Variants in SOX5 observed in about 807,000 individuals in gnomAD.
The protein encoded by SOX5 is transcription factor SOX-5.
SOX5 carries 9 observed loss-of-function variants against 92.0 expected under a neutral mutation model. The observed-to-expected ratio is 0.10, with a 90% CI of 0.06 to 0.17. SOX5 has a LOEUF of 0.17. Among genes scored for constraint, SOX5 ranks in the 10% least tolerant of loss-of-function variants. The pLI is 1.00. For missense variants in SOX5, 642 were observed against 944.5 expected (o/e 0.68, Z 4.20); for synonymous variants, 344 against 336.3 (o/e 1.02, Z -0.25).
intron 1 of SOX5, among the ~76,000 whole-genome samples, chr12:24,429,971 AAGGT>A (rs1159907563): frequency 1.3e-5 from 2 of 152,220 alleles, no homozygotes; most frequent in Non-Finnish European, 2.9e-5. Flanking sequence ...TGAATTTTTA[AAGGT>A]AGAATTAAGT....
chr12:24,228,675 T>C (rs1469412918), intron 3 of SOX5, among the ~76,000 whole-genome samples: 1 of 152,154 alleles, frequency 6.6e-6, no homozygotes, highest in Non-Finnish European at 1.5e-5. Context: ...TGTGTGCGTG[T>C]GTGTGTCTGT....
Position 24,272,493 on chromosome 12 carries a change from T to C in SOX5, c.-77+4723A>G, listed in dbSNP as rs1304818471. Among the ~76,000 whole-genome samples, 4 of 152,194 alleles carry C rather than the reference T, an allele frequency of 2.6e-5. No individual in the cohort carries two copies. In the East Asian group the frequency reaches 7.7e-4, roughly 29 times the overall value. Reference sequence around the variant, plus strand: ...CCTTTAACATTTTACTATTACGATTTATCTTTGCTGTATGTATTTTATATC... The same window carrying C: ...CCTTTAACATTTTACTATTACGATTCATCTTTGCTGTATGTATTTTATATC... On this transcript the variant is annotated intron_variant, in intron 3 of 4. Transcript: ENST00000446891.
At chr12:24,428,719 T>G (rs1306129278) in intron 1 of SOX5, among the ~76,000 whole-genome samples, 1 of 51,058 alleles carries the variant, frequency 2.0e-5, no homozygotes, top group Non-Finnish European at 3.9e-5. Flanking sequence ...AGTGAGACTC[T>G]GTTTCTCAAA....
At chr12:24,035,122 G>A (rs889265142) in intron 4 of SOX5, among the ~76,000 whole-genome samples, 11 of 152,042 alleles carry the variant, frequency 7.2e-5, no homozygotes, top group African/African-American at 2.2e-4. Context: ...GACAATATAC[G>A]ATGGCAGTGA....
At chr12:23,673,256 A>G (rs567708562) in intron 6 of SOX5, among the ~76,000 whole-genome samples, 39 of 152,266 alleles carry the variant, frequency 2.6e-4, no homozygotes, top group African/African-American at 8.4e-4. Flanking sequence ...ATATATAGCT[A>G]TTTCTTAAAG....
Position 24,353,105 on chromosome 12 carries a change from G to T in SOX5, c.-174+15458C>A, listed in dbSNP as rs1954314513. On this transcript the variant is annotated intron_variant, in intron 2 of 4. Coordinates refer to the SOX5 transcript ENST00000446891. ...TGTATGGAGAATATGATATACTTAAGGTGCAGACAGTAATAAATACCCTGC... is the reference window on the plus strand; with the variant it reads ...TGTATGGAGAATATGATATACTTAATGTGCAGACAGTAATAAATACCCTGC... Among the ~76,000 whole-genome samples the T allele has an allele frequency of 2.0e-5, 3 of 152,142 alleles. No individual in the cohort carries two copies. In the South Asian group the frequency reaches 6.2e-4, roughly 32 times the overall value.
At chr12:24,076,201 C>G (rs1373477587) in intron 4 of SOX5, among the ~76,000 whole-genome samples, 1 of 152,026 alleles carries the variant, frequency 6.6e-6, no homozygotes, top group African/African-American at 2.4e-5. Context: ...GTTTGATATC[C>G]CTTTAATTAA....
exon 2 of SOX5, chr12:24,368,575 C>T (rs1389428700): frequency 6.6e-6 from 1 of 152,198 alleles, no homozygotes; most frequent in Non-Finnish European, 1.5e-5. Flanking sequence ...CAGTAGGTCG[C>T]TAACTCCTTG....
At chr12:24,420,903 T>C (rs1050889164) in intron 1 of SOX5, among the ~76,000 whole-genome samples, 1 of 152,150 alleles carries the variant, frequency 6.6e-6, no homozygotes, top group Admixed American at 6.5e-5. Context: ...CAGAGGAACA[T>C]GCTAAACCAC....
chr12:23,710,143 C>G (rs1399910068), intron 6 of SOX5, among the ~76,000 whole-genome samples: 1 of 152,064 alleles, frequency 6.6e-6, no homozygotes, highest in African/African-American at 2.4e-5. Flanking sequence ...CAAAGACACA[C>G]ACGGTAAGAA....
At chr12:24,201,865 A>C (rs1194600268) in intron 4 of SOX5, among the ~76,000 whole-genome samples, 1 of 152,122 alleles carries the variant, frequency 6.6e-6, no homozygotes, top group Non-Finnish European at 1.5e-5. Context: ...CTCTTAACAC[A>C]CATCGATGGA....
intron 1 of SOX5, among the ~76,000 whole-genome samples, chr12:24,434,098 A>T (rs573742736): frequency 6.6e-6 from 1 of 152,274 alleles, no homozygotes; most frequent in South Asian, 2.1e-4. Flanking sequence ...CACAATGTCA[A>T]ACTCAGAGAT....
intron 7 of SOX5, among the ~76,000 whole-genome samples, chr12:23,658,024 G>A (rs534877593): frequency 3.8e-4 from 58 of 152,254 alleles, no homozygotes; most frequent in Non-Finnish European, 6.6e-4. Context: ...ACGTATTTTG[G>A]TGGTGGCAGT....
intron 9 of SOX5, among the ~76,000 whole-genome samples, chr12:23,585,917 T>C (rs1950658324): frequency 6.6e-6 from 1 of 152,084 alleles, no homozygotes; most frequent in South Asian, 2.1e-4. Context: ...TAATAAAAGA[T>C]TCACGGGCTA....
chr12:23,537,842 GGTGA>G (rs1211748277), intron 13 of SOX5, among the ~76,000 whole-genome samples: 1 of 152,114 alleles, frequency 6.6e-6, no homozygotes, highest in African/African-American at 2.4e-5. Context: ...GGACCCTCGC[GGTGA>G]GTGTTACAGT....
At chr12:23,991,526 G>A (rs917034979) in intron 4 of SOX5, among the ~76,000 whole-genome samples, 7 of 151,790 alleles carry the variant, frequency 4.6e-5, no homozygotes, top group Middle Eastern at 3.4e-3. Context: ...ATATTTTTCC[G>A]ATTTTCCAGT....
chr12:23,738,084 T>G (rs565588854), intron 5 of SOX5, among the ~76,000 whole-genome samples: 3 of 152,186 alleles, frequency 2.0e-5, no homozygotes, highest in African/African-American at 7.2e-5. Flanking sequence ...TCCCACTAAC[T>G]AGAACAAAAC....
At chr12:23,587,494 G>C (rs145334897) in intron 9 of SOX5, among the ~76,000 whole-genome samples, 3 of 152,070 alleles carry the variant, frequency 2.0e-5, no homozygotes, top group African/African-American at 7.2e-5. Flanking sequence ...TGAAAAATTA[G>C]ACTGCAATCA....
chr12:24,059,129 T>C (rs1939169641), intron 4 of SOX5, among the ~76,000 whole-genome samples: 1 of 152,226 alleles, frequency 6.6e-6, no homozygotes, highest in Non-Finnish European at 1.5e-5. Flanking sequence ...TAGATACACA[T>C]ATACTGTATG....
Sources: allele counts gnomAD v4.1 joint callset (sites outside exome capture counted in the v4.1 genomes callset), GRCh38; gene constraint gnomAD v4.1.1; transcripts MANE v1.5; gene names NCBI Gene and HGNC (gene_info 2026-07-23, HGNC 2026-07-21).